CPED1: variants seen among roughly 807,000 people sequenced by gnomAD.
CPED1 encodes the protein cadherin-like and PC-esterase domain-containing protein 1.
Under a neutral mutation model 128.2 loss-of-function variants are expected in CPED1, and 114 were observed. The ratio of observed to expected loss-of-function variants is 0.89; its 90% confidence interval spans 0.76 to 1.04. The LOEUF (loss-of-function observed/expected upper bound fraction) is 1.04, where lower values mean the gene tolerates loss of function less well. CPED1 is among the 50% of genes least tolerant of loss of function. The pLI is 0.00. For synonymous variants in CPED1, 462 were observed against 426.7 expected, an observed-to-expected ratio of 1.08 and a Z score of -1.02; for missense variants, 1,211 against 1,207.1, an observed-to-expected ratio of 1.00 and a Z score of -0.05.
chr7:121,064,379 G>C (rs1793770630), intron 5 of CPED1, 66 bp downstream of exon 5: 1 of 1,097,774 alleles, frequency 9.1e-7, no homozygotes, highest in African/African-American at 1.5e-5. Context: ...AGCAGAAGCA[G>C]CTAACATGGT....
At chr7:121,166,613 C>T (rs1422005933) in intron 16 of CPED1, among the ~76,000 whole-genome samples, 2 of 152,102 alleles carry the variant, frequency 1.3e-5, no homozygotes, top group African/African-American at 2.4e-5. Context: ...ACTCATGATG[C>T]TCTTCTCCCT....
At chr7:121,020,378 T>C (rs1414572363) in intron 3 of CPED1, among the ~76,000 whole-genome samples, 2 of 152,050 alleles carry the variant, frequency 1.3e-5, no homozygotes, top group Non-Finnish European at 2.9e-5. Flanking sequence ...TCTCCTCTGC[T>C]TTTGTATTGC....
chr7:121,001,633 G>A (rs898845389), intron 2 of CPED1, among the ~76,000 whole-genome samples: 1 of 152,138 alleles, frequency 6.6e-6, no homozygotes, highest in African/African-American at 2.4e-5. Flanking sequence ...GAAACCACCA[G>A]AACAAACTGT....
At chr7:121,063,299 T>C (rs963893217) in intron 4 of CPED1, among the ~76,000 whole-genome samples, 5 of 151,036 alleles carry the variant, frequency 3.3e-5, no homozygotes, top group East Asian at 3.9e-4. Context: ...CTGTATCTTA[T>C]TGATTTGGTA....
At chr7:121,130,441 A>G (rs1795633998) in intron 12 of CPED1, 147 bp downstream of exon 12, 2 of 615,572 alleles carry the variant, frequency 3.2e-6, no homozygotes, top group African/African-American at 3.8e-5. Context: ...AATGTCTTTA[A>G]ACATTGAAAC....
intron 16 of CPED1, among the ~76,000 whole-genome samples, chr7:121,149,932 C>T (rs1796115568): frequency 6.6e-6 from 1 of 152,130 alleles, no homozygotes; most frequent in Admixed American, 6.5e-5. Context: ...TATCTTTTAT[C>T]TATCTTTCTT....
At chr7:121,120,988 CAAAAA>C (rs1216157705) in intron 7 of CPED1, among the ~76,000 whole-genome samples, 18 of 120,998 alleles carry the variant, frequency 1.5e-4, no homozygotes, top group African/African-American at 6.0e-4. Context: ...AAAAAAAAAA[CAAAAA>C]AACTCACAGT....
intron 5 of CPED1, among the ~76,000 whole-genome samples, chr7:121,075,072 C>T (rs754265369): frequency 1.3e-5 from 2 of 152,264 alleles, no homozygotes; most frequent in Non-Finnish European, 2.9e-5. Context: ...GGATTTGTCT[C>T]CTTCTTGGGA....
intron 18 of CPED1, among the ~76,000 whole-genome samples, chr7:121,261,229 G>C (rs940671947): frequency 3.3e-5 from 5 of 152,040 alleles, no homozygotes; most frequent in African/African-American, 1.2e-4. Flanking sequence ...CCAAAGTCTT[G>C]CTTGTATTTT....
intron 5 of CPED1, among the ~76,000 whole-genome samples, chr7:121,091,510 C>T (rs1222218662): frequency 6.6e-6 from 1 of 152,112 alleles, no homozygotes; most frequent in African/African-American, 2.4e-5. Context: ...AAAGGAATAA[C>T]ATTGTAGCTA....
rs539914962 is a variant in CPED1 at position 121,010,540 on chromosome 7, C to T, written c.250-5125C>T. ...CTGGGATTACAGGCGTGAGCCACCA[C>T]GCCCTGCAGGAATACATTTTTGATA... On this transcript the variant is annotated intron_variant, in intron 2 of 22. Coordinates refer to ENST00000310396, the MANE Select transcript of CPED1 (RefSeq NM_024913.5). Among the ~76,000 whole-genome samples the T allele has an allele frequency of 1.4e-4, 22 of 152,276 alleles. No individual in the cohort carries two copies. The South Asian group carries it at 3.1e-3, about 22-fold the overall frequency.
intron 16 of CPED1, among the ~76,000 whole-genome samples, chr7:121,143,016 A>G (rs1489046148): frequency 6.6e-6 from 1 of 151,964 alleles, no homozygotes; most frequent in Non-Finnish European, 1.5e-5. Context: ...ACAGCCAGGC[A>G]CAGTAATCAC....
chr7:121,049,413 G>C (rs1337857581), intron 4 of CPED1, among the ~76,000 whole-genome samples: 1 of 152,158 alleles, frequency 6.6e-6, no homozygotes, highest in African/African-American at 2.4e-5. Context: ...GGAGCCTTGG[G>C]GATAAACACC....
rs146753540 is a variant in CPED1 at position 121,117,009 on chromosome 7, CAT to C, written c.919-7314_919-7313del. On this transcript the variant is annotated intron_variant, in intron 7 of 22. Transcript: ENST00000310396. ...ACACACACATATATATACACACACACATATATATACACACATTATATGTATAT... is the reference window on the plus strand; with the variant it reads ...ACACACACATATATATACACACACACATATATACACACATTATATGTATAT... 3.9e-3 allele frequency among the ~76,000 whole-genome samples: 566 copies of C among 146,472 alleles called. 1 individual carries two copies. The highest frequency in any genetic ancestry group is 0.018 in the Middle Eastern group (5 of 280).
chr7:121,111,346 T>G (rs1026585049), intron 7 of CPED1, among the ~76,000 whole-genome samples: 4 of 152,192 alleles, frequency 2.6e-5, no homozygotes, highest in Non-Finnish European at 5.9e-5. Context: ...TCTAAATGAA[T>G]AGAAGAATAA....
rs970832303 is a variant in CPED1, at chr7:121,270,146, C to T, written c.2722-1138C>T. 5.9e-5 allele frequency among the ~76,000 whole-genome samples: 9 copies of T among 152,084 alleles called. 1 individual carries two copies. The highest frequency in any genetic ancestry group is 1.2e-4 in the Non-Finnish European group (8 of 67,984). ...CTCCCACTAAGCCTCACCTCCAACA[C>T]TGGGGTTCACATTTCAACATGAGAT... is the stretch of plus-strand genomic sequence containing the variant. On this transcript the variant is annotated intron_variant, in intron 21 of 22. Transcript: ENST00000310396.
intron 2 of CPED1, among the ~76,000 whole-genome samples, chr7:121,008,739 T>C (rs1490924409): frequency 6.6e-6 from 1 of 152,120 alleles, no homozygotes; most frequent in Admixed American, 6.5e-5. Flanking sequence ...TCATTAATGG[T>C]TTATTGCTCT....
intron 16 of CPED1, among the ~76,000 whole-genome samples, chr7:121,180,749 T>C (rs1034892582): frequency 6.6e-6 from 1 of 152,062 alleles, no homozygotes; most frequent in Admixed American, 6.6e-5. Flanking sequence ...TTTTAGATGA[T>C]CTACCTATAG....
intron 5 of CPED1, among the ~76,000 whole-genome samples, chr7:121,079,089 TTAAC>T (rs1451206526): frequency 4.6e-5 from 7 of 152,190 alleles, no homozygotes; most frequent in Non-Finnish European, 8.8e-5. Flanking sequence ...TCATTTCACT[TTAAC>T]TACCTCCTTA....
Sources: gnomAD v4.1 joint callset for allele counts (sites outside exome capture counted in the v4.1 genomes callset) on GRCh38, gnomAD v4.1.1 for gene constraint, MANE v1.5 for transcripts, NCBI Gene and HGNC (gene_info 2026-07-23, HGNC 2026-07-21) for gene names.